ADARB2: variants seen among roughly 807,000 people sequenced by gnomAD.
ADARB2 encodes the protein adenosine deaminase RNA specific B2 (inactive), also known as inactive double-stranded RNA-specific editase B2.
A neutral mutation model predicts 62.2 loss-of-function variants in ADARB2; 25 were observed. The ratio of observed to expected loss-of-function variants is 0.40; its 90% CI spans 0.29 to 0.56. ADARB2 has a LOEUF of 0.56. Ranked by LOEUF, ADARB2 falls within the 20% of genes least tolerant of loss-of-function variation. ADARB2 has a pLI of 0.43. For synonymous variants in ADARB2, 572 were observed against 500.8 expected (o/e 1.14, Z -1.90); for missense variants, 1,071 against 1,077.4 (o/e 0.99, Z 0.08).
chr10:1,709,410 C>T (rs1336850559), intron 1 of ADARB2, among the ~76,000 whole-genome samples: 4 of 152,194 alleles, frequency 2.6e-5, no homozygotes, highest in Non-Finnish European at 4.4e-5. Flanking sequence ...TGTTTTCTTG[C>T]CACAGACTCT....
At chr10:1,335,752 T>A (rs1831968102) in intron 3 of ADARB2, among the ~76,000 whole-genome samples, 2 of 152,236 alleles carry the variant, frequency 1.3e-5, no homozygotes, top group Non-Finnish European at 2.9e-5. Flanking sequence ...CACTTTTCTC[T>A]GATTTCAAAA....
intron 1 of ADARB2, among the ~76,000 whole-genome samples, chr10:1,660,112 T>TGCTCTCCTCCAGTATCCTGTGTCC (rs1834226069): frequency 6.6e-6 from 1 of 152,226 alleles, no homozygotes; most frequent in African/African-American, 2.4e-5. Context: ...CTGCCTTCCT[T>TGCTCTCCTCCAGTATCCTGTGTCC]GCTCTCCTCC....
At chr10:1,682,902 C>G (rs116167724) in intron 1 of ADARB2, among the ~76,000 whole-genome samples, 1 of 152,104 alleles carries the variant, frequency 6.6e-6, no homozygotes, top group African/African-American at 2.4e-5. Context: ...AGTGAGAGGC[C>G]GCAAAGCCCA....
rs1836668438 is a variant in ADARB2 at position 1,181,062 on chromosome 10, A to G, written c.*2131T>C. On this transcript the variant is annotated 3_prime_UTR_variant, in exon 10 of 10. Coordinates refer to ENST00000381312, the MANE Select transcript of ADARB2 (RefSeq NM_018702.4). ...CCTGTGACAGTGAAATCTGCTTACA[A>G]CACAGGCCCCCTCGCTGCAGAAACA... 2.0e-5 allele frequency: 3 copies of G among 152,252 alleles called. No homozygotes were observed. Among genetic ancestry groups the G allele is most frequent in the Admixed American group, 2.0e-4 (3 of 15,288 alleles). The allele number at this position is 152,252 out of a possible 1,614,324, so 9.4% of individuals were successfully genotyped here. A position where few individuals can be genotyped will look rare whatever the true frequency, so the allele number is the denominator to read the frequency against.
chr10:1,572,645 G>C (rs1832957368), intron 1 of ADARB2, among the ~76,000 whole-genome samples: 1 of 152,176 alleles, frequency 6.6e-6, no homozygotes, highest in South Asian at 2.1e-4. Context: ...GCATAATACT[G>C]AGCCCTCAGT....
At chr10:1,447,646 C>T (rs1199700230) in intron 1 of ADARB2, among the ~76,000 whole-genome samples, 4 of 152,070 alleles carry the variant, frequency 2.6e-5, no homozygotes, top group Admixed American at 6.5e-5. Flanking sequence ...ACTTGTGTCA[C>T]GGGGGTTTGC....
rs1832635696 is a variant in ADARB2 at position 1,398,583 on chromosome 10, G to T, written c.101-19423C>A. On this transcript the variant is annotated intron_variant, in intron 1 of 9. Coordinates refer to ENST00000381312, the MANE Select transcript of ADARB2 (RefSeq NM_018702.4). This position sits in a 1 kb window ranked among gnomAD's most constrained non-coding sequence, Gnocchi z 4.1. ...ACTGTCAGAACCCAGTTCTGGTGCG[G>T]AGGTAAGACAACTCAAAAACGTGTA... Among the ~76,000 whole-genome samples, 1 of 152,222 alleles carries T rather than the reference G, an allele frequency of 6.6e-6. No homozygotes were observed. Among genetic ancestry groups the T allele is most frequent in the Admixed American group, 6.5e-5 (1 of 15,286 alleles).
intron 3 of ADARB2, among the ~76,000 whole-genome samples, chr10:1,276,698 G>A (rs1165708173): frequency 6.6e-6 from 1 of 152,090 alleles, no homozygotes; most frequent in Non-Finnish European, 1.5e-5. Context: ...ACAGATCAAC[G>A]AGACATAAAG....
At chr10:1,369,711 T>TG (rs5782578) in intron 2 of ADARB2, among the ~76,000 whole-genome samples, 139,044 of 152,218 alleles carry the variant, frequency 0.91, 64,877 homozygotes, top group Non-Finnish European at 1. Context: ...AGCCCACCAA[T>TG]GGCAGCTCTG....
intron 3 of ADARB2, among the ~76,000 whole-genome samples, chr10:1,347,711 A>G (rs1349762640): frequency 6.6e-6 from 1 of 152,076 alleles, no homozygotes; most frequent in African/African-American, 2.4e-5. Context: ...ACAGCCATCA[A>G]CGCCTCCCGA....
chr10:1,679,973 AG>A (rs1487980684), intron 1 of ADARB2, among the ~76,000 whole-genome samples: 4 of 152,154 alleles, frequency 2.6e-5, no homozygotes, highest in African/African-American at 9.7e-5. Context: ...AGTCAACAGC[AG>A]GCCCAGAGCA....
At chr10:1,212,627 C>T (rs1415549641) in intron 7 of ADARB2, among the ~76,000 whole-genome samples, 1 of 152,200 alleles carries the variant, frequency 6.6e-6, no homozygotes, top group African/African-American at 2.4e-5. Context: ...AGGCACCCTG[C>T]AACCAAGTGT....
chr10:1,700,569 G>A (rs1468927478), intron 1 of ADARB2, among the ~76,000 whole-genome samples: 10 of 3,754 alleles, frequency 2.7e-3, no homozygotes, highest in Non-Finnish European at 0.029. Flanking sequence ...CCACTCCACC[G>A]GGAGACCAGG....
At chr10:1,544,283 C>T (rs1832485510) in intron 1 of ADARB2, among the ~76,000 whole-genome samples, 1 of 152,212 alleles carries the variant, frequency 6.6e-6, no homozygotes, top group Non-Finnish European at 1.5e-5. Context: ...GGTGAGTGGC[C>T]ACAGCCCCTC....
At chr10:1,731,858 G>A (rs913451429) in intron 1 of ADARB2, among the ~76,000 whole-genome samples, 1 of 152,046 alleles carries the variant, frequency 6.6e-6, no homozygotes, top group Non-Finnish European at 1.5e-5. Flanking sequence ...AGTTCACTTG[G>A]CATTCATTCA....
intron 1 of ADARB2, among the ~76,000 whole-genome samples, chr10:1,722,858 G>C (rs7907913): frequency 0.58 from 87,468 of 152,072 alleles, 26,411 homozygotes; most frequent in South Asian, 0.76. Context: ...AATCAAAAAC[G>C]TGTATTACTT....
rs575858147 is a variant in ADARB2 at position 1,487,103 on chromosome 10, G to T, written c.101-107943C>A. On this transcript the variant is annotated intron_variant, in intron 1 of 9. Transcript: ENST00000381312. ...AGCTGCACGCGTGGGTGCCGTGGGA[G>T]CCCGGATGCTGGGGAGGCCGGATTT... 1.5e-4 allele frequency among the ~76,000 whole-genome samples: 23 copies of T among 152,350 alleles called. No individual in the cohort carries two copies. The South Asian group carries it at 4.4e-3, about 29-fold the overall frequency.
intron 7 of ADARB2, among the ~76,000 whole-genome samples, chr10:1,201,431 AT>A (rs1343302903): frequency 3.3e-5 from 5 of 152,234 alleles, no homozygotes; most frequent in African/African-American, 4.8e-5. Flanking sequence ...TTAAAAAAAT[AT>A]TGTGGTCATT....
At chr10:1,515,290 C>G (rs564212947) in intron 1 of ADARB2, among the ~76,000 whole-genome samples, 23 of 152,202 alleles carry the variant, frequency 1.5e-4, no homozygotes, top group Admixed American at 1.1e-3. Flanking sequence ...CTGGATCCCC[C>G]GCTGGGAACC....
Sources: gnomAD v4.1 joint callset for allele counts (sites outside exome capture counted in the v4.1 genomes callset) on GRCh38, gnomAD v4.1.1 for gene constraint, Gnocchi (gnomAD v3.1) non-coding constraint, MANE v1.5 for transcripts, NCBI Gene and HGNC (gene_info 2026-07-23, HGNC 2026-07-21) for gene names.